Variants in TMEM95 observed in about 807,000 individuals in gnomAD.
TMEM95 encodes the protein transmembrane protein 95.
TMEM95 carries 21 observed loss-of-function variants against 27.7 expected under a neutral mutation model. The observed-to-expected ratio is 0.76, with a 90% confidence interval of 0.54 to 1.09. TMEM95 has a LOEUF of 1.09. Among genes scored for constraint, TMEM95 ranks in the 50% least tolerant of loss-of-function variants. The pLI, the probability that TMEM95 is intolerant of heterozygous loss-of-function variation, is 0.00. For synonymous variants in TMEM95, 77 were observed against 85.7 expected (o/e 0.90, Z 0.56); for missense variants, 203 against 217.9 (o/e 0.93, Z 0.43).
At chr17:7,356,575 C>A (rs376260605) in intron 6 of TMEM95, 24 bp from the exon 7 acceptor site, 14 of 1,610,846 alleles carry the variant, frequency 8.7e-6, no homozygotes, top group Non-Finnish European at 1.1e-5. Context: ...CTCCCGTAGG[C>A]TTCCCACCCT....
chr17:7,356,484 GT>G lies in TMEM95; in HGVS notation c.497+9del, dbSNP rs2073507244. ...TGTTCTGAGCCTCCTGGTGGAGTGA[GT>G]TTTGGGATAAAGACAGGAATCCTAC... On this transcript the variant is annotated splice_donor_region_variant and intron_variant, in intron 6 of 6. Coordinates refer to ENST00000576060, the MANE Select transcript of TMEM95 (RefSeq NM_001320436.2). 8 of 1,613,822 alleles carry G rather than the reference GT, an allele frequency of 5.0e-6. No homozygotes were observed. The highest frequency in any genetic ancestry group is 6.8e-6 in the Non-Finnish European group (8 of 1,179,922).
chr17:7,356,299 C>A, intron 5 of TMEM95, 23 bp downstream of exon 5: 1 of 1,592,710 alleles, frequency 6.3e-7, no homozygotes. Context: ...ATCTTGGCCC[C>A]GCCCCACCTT....
Position 7,356,982 on chromosome 17 carries a change from C to A in TMEM95, c.*350C>A, listed in dbSNP as rs888864866. Reference sequence around the variant, plus strand: ...CTACGCCACTCCCACCACACCCACACCCCCTTCTGCCTGTTCCGGGAAAGC... The same window carrying A: ...CTACGCCACTCCCACCACACCCACAACCCCTTCTGCCTGTTCCGGGAAAGC... On this transcript the variant is annotated 3_prime_UTR_variant, in exon 7 of 7. Transcript: ENST00000576060. 7 of 361,918 alleles carry A rather than the reference C, an allele frequency of 1.9e-5. No homozygotes were observed. The highest frequency in any genetic ancestry group is 2.5e-5 in the Non-Finnish European group (5 of 200,694). The allele number at this position is 361,918 out of a possible 1,614,324, so 22.4% of individuals were successfully genotyped here. A position where few individuals can be genotyped will look rare whatever the true frequency, so the allele number is the denominator to read the frequency against.
chr17:7,355,721 G>GT lies in TMEM95; in HGVS notation c.226+79_226+80insT. The GT allele has an allele frequency of 8.8e-7, 1 of 1,133,842 alleles. No individual in the cohort carries two copies. Among genetic ancestry groups the GT allele is most frequent in the Non-Finnish European group, 1.3e-6 (1 of 759,402 alleles). The allele number at this position is 1,133,842 out of a possible 1,614,324, so 70.2% of individuals were successfully genotyped here. A position where few individuals can be genotyped will look rare whatever the true frequency, so the allele number is the denominator to read the frequency against. On this transcript the variant is annotated intron_variant, in intron 2 of 6. Transcript: ENST00000576060. The surrounding 1 kb of genome is among the most constrained non-coding windows in gnomAD (Gnocchi z 4.9). Reference sequence around the variant, plus strand: ...GGACGGGTGACAGGGGTTGGGGTGGGCAGGGAAGGGTGGAGGGGTAGAGAC... The same window carrying GT: ...GGACGGGTGACAGGGGTTGGGGTGGGTCAGGGAAGGGTGGAGGGGTAGAGAC...
In TMEM95 at chr17:7,356,912, G is replaced by A. The variant is rs2073521218; in HGVS notation, c.*280G>A. The stretch of plus-strand genomic sequence containing the variant: ...CCTCCAGCCCTCAACCAATCACATG[G>A]CTGTCAACAATGCCAGGAAAATATC... On this transcript the variant is annotated 3_prime_UTR_variant, in exon 7 of 7. Transcript: ENST00000576060. 1 of 471,458 alleles carries A rather than the reference G, an allele frequency of 2.1e-6. No individual in the cohort carries two copies. Among genetic ancestry groups the A allele is most frequent in the Non-Finnish European group, 3.8e-6 (1 of 266,496 alleles). The allele number at this position is 471,458 out of a possible 1,614,324, so 29.2% of individuals were successfully genotyped here.
intron 5 of TMEM95, 24 bp downstream of exon 5, chr17:7,356,300 G>A (rs369702259): frequency 5.0e-6 from 8 of 1,592,300 alleles, no homozygotes; most frequent in Admixed American, 1.7e-5. Flanking sequence ...TCTTGGCCCC[G>A]CCCCACCTTG....
In TMEM95 at chr17:7,355,566, G is replaced by T; in HGVS notation, c.170-20G>T. The T allele has an allele frequency of 1.3e-6, 2 of 1,553,664 alleles. No individual in the cohort carries two copies. Among genetic ancestry groups the T allele is most frequent in the Non-Finnish European group, 1.7e-6 (2 of 1,147,910 alleles). The stretch of plus-strand genomic sequence containing the variant: ...ACCTGGGCTGATGAGGGAATCGCTG[G>T]TCCTTGCCCATCTCCACAGATGAGG... On this transcript the variant is annotated intron_variant, in intron 1 of 6. Transcript: ENST00000576060. The surrounding 1 kb of genome is among the most constrained non-coding windows in gnomAD (Gnocchi z 4.9).
Position 7,355,409 on chromosome 17 carries a change from A to G in TMEM95, c.169+36A>G. 1 of 1,592,112 alleles carries G rather than the reference A, an allele frequency of 6.3e-7. No individual in the cohort carries two copies. The highest frequency in any genetic ancestry group is 8.6e-7 in the Non-Finnish European group (1 of 1,166,570). ...ACATCCAGGGATGGGCCCAGCAAGC[A>G]CTCACCCCCCTACCCCCAGAGGGTG... On this transcript the variant is annotated intron_variant, in intron 1 of 6. Transcript: ENST00000576060. The surrounding 1 kb of genome is among the most constrained non-coding windows in gnomAD (Gnocchi z 4.9).
chr17:7,357,084 C>T lies in TMEM95; in HGVS notation c.*452C>T. On this transcript the variant is annotated 3_prime_UTR_variant, in exon 7 of 7. Coordinates refer to ENST00000576060, the MANE Select transcript of TMEM95 (RefSeq NM_001320436.2). Reference sequence around the variant, plus strand: ...ATCCGGGAATGCATGTTCTGGAAAACTCACCCCACTAGAGTGAGATCACAT... The same window carrying T: ...ATCCGGGAATGCATGTTCTGGAAAATTCACCCCACTAGAGTGAGATCACAT... 5.4e-6 allele frequency: 1 copy of T among 183,884 alleles called. No homozygotes were observed. Among genetic ancestry groups the T allele is most frequent in the African/African-American group, 2.4e-5 (1 of 42,550 alleles). 11.4% of individuals were successfully genotyped at this position (183,884 alleles called of 1,614,324 possible).
Position 7,355,255 on chromosome 17 carries a change from T to C in TMEM95, c.51T>C (p.Cys17=). 2 of 1,613,914 alleles carry C rather than the reference T, an allele frequency of 1.2e-6. No homozygotes were observed. Among genetic ancestry groups the C allele is most frequent in the Non-Finnish European group, 1.7e-6 (2 of 1,179,918 alleles). ...GGVFLAAAQA[C]VFCRLPAHDL... ...TTTTCCTGGCAGCCGCCCAGGCTTG[T>C]GTCTTCTGTCGCCTCCCAGCCCACG... The change falls in exon 1 of 7, where the codon TGT becomes TGC. Residue 17 remains cysteine, a synonymous_variant. Transcript: ENST00000576060. The surrounding 1 kb of genome is among the most constrained non-coding windows in gnomAD (Gnocchi z 4.9).
In TMEM95 at chr17:7,355,772, C is replaced by T. The variant is rs1326891473; in HGVS notation, c.227-66C>T. The T allele has an allele frequency of 2.1e-5, 33 of 1,568,176 alleles. No individual in the cohort carries two copies. The highest frequency in any genetic ancestry group is 3.3e-5 in the South Asian group (3 of 89,938). On this transcript the variant is annotated intron_variant, in intron 2 of 6. Coordinates refer to ENST00000576060, the MANE Select transcript of TMEM95 (RefSeq NM_001320436.2). This position sits in a 1 kb window ranked among gnomAD's most constrained non-coding sequence, Gnocchi z 4.9. ...AGGAGGGCTGATCAGGGAGGGGCTG[C>T]GTGAAGAGAGGGGGAACTGGCCCCG... is the stretch of plus-strand genomic sequence containing the variant.
At position 7,355,598 on chromosome 17, in the gene TMEM95, T is replaced by C. The variant is rs1489800818; in HGVS notation, c.182T>C (p.Met61Thr). The change falls in exon 2 of 7, where the codon ATG becomes ACG. Residue 61 changes from methionine (M) to threonine (T), a missense_variant. By Grantham distance (81) the Met-to-Thr change is moderately conservative. Coordinates refer to ENST00000576060, the MANE Select transcript of TMEM95 (RefSeq NM_001320436.2). The surrounding 1 kb of genome is among the most constrained non-coding windows in gnomAD (Gnocchi z 4.9). The part of the protein sequence containing the change: ...FSAFALDEVS[M>T]NKVTEKTHRV... ...CCCATCTCCACAGATGAGGTGTCCA[T>C]GAACAAAGTCACAGAGAAGACTCAC... 1.9e-6 allele frequency: 3 copies of C among 1,556,014 alleles called. No homozygotes were observed. Among genetic ancestry groups the C allele is most frequent in the African/African-American group, 1.4e-5 (1 of 73,208 alleles).
chr17:7,356,822 C>G lies in TMEM95; in HGVS notation c.*190C>G. 1 of 646,594 alleles carries G rather than the reference C, an allele frequency of 1.5e-6. No homozygotes were observed. 40.1% of individuals were successfully genotyped at this position (646,594 alleles called of 1,614,324 possible). On this transcript the variant is annotated 3_prime_UTR_variant, in exon 7 of 7. Coordinates refer to ENST00000576060, the MANE Select transcript of TMEM95 (RefSeq NM_001320436.2). ...AAGAAAATCCCCAAAAACCCAGATC[C>G]CCCACAATCCCAGTGTCAGATGGCC... is the stretch of plus-strand genomic sequence containing the variant.
chr17:7,355,672 G>A lies in TMEM95; in HGVS notation c.226+30G>A, dbSNP rs1377995977. 2 of 1,560,736 alleles carry A rather than the reference G, an allele frequency of 1.3e-6. No individual in the cohort carries two copies. The highest frequency in any genetic ancestry group is 1.9e-5 in the Admixed American group (1 of 53,214). The stretch of plus-strand genomic sequence containing the variant: ...GGTCAAGGGGAAAGAGTGACCTAGG[G>A]GCTTGGGAGGATACCAAGGAGAGGG... On this transcript the variant is annotated intron_variant, in intron 2 of 6. Coordinates refer to ENST00000576060, the MANE Select transcript of TMEM95 (RefSeq NM_001320436.2). The surrounding 1 kb of genome is among the most constrained non-coding windows in gnomAD (Gnocchi z 4.9).
intron 4 of TMEM95, 70 bp from the exon 5 acceptor site, chr17:7,356,126 G>A (rs1158325065): frequency 6.2e-7 from 1 of 1,608,784 alleles, no homozygotes; most frequent in East Asian, 2.2e-5. Flanking sequence ...GCTGCAGGAG[G>A]AAGCTGGGTA....
rs755132615 is a variant in TMEM95 at position 7,356,703 on chromosome 17, G to A, written c.*71G>A. On this transcript the variant is annotated 3_prime_UTR_variant, in exon 7 of 7. Coordinates refer to ENST00000576060, the MANE Select transcript of TMEM95 (RefSeq NM_001320436.2). ...CACAACTTCCACATCCCTTGGAGGGGAACCAGTCAGCCCCTTAGTCCCAGC... is the reference window on the plus strand; with the variant it reads ...CACAACTTCCACATCCCTTGGAGGGAAACCAGTCAGCCCCTTAGTCCCAGC... The A allele has an allele frequency of 1.8e-4, 272 of 1,542,188 alleles. No homozygotes were observed. Among genetic ancestry groups the A allele is most frequent in the Non-Finnish European group, 2.2e-4 (249 of 1,121,084 alleles).
rs915099417 is a variant in TMEM95, at chr17:7,356,231, A to T, written c.364A>T (p.Lys122Ter). Residue 122 changes from lysine to a stop codon, truncating the protein, a stop_gained, in exon 5 of 7, where the codon AAG becomes TAG. Coordinates refer to ENST00000576060, the MANE Select transcript of TMEM95 (RefSeq NM_001320436.2). LOFTEE classifies it high-confidence loss of function. The part of the protein sequence containing the change: ...STTLYNCSTC[K>*]GTEVSCWPRK... ...CACGCTGTACAACTGCTCCACCTGCAAGGGGACGGAGGTGTCCTGCTGGCC... is the reference window on the plus strand; with the variant it reads ...CACGCTGTACAACTGCTCCACCTGCTAGGGGACGGAGGTGTCCTGCTGGCC... 8.9e-6 allele frequency: 14 copies of T among 1,565,260 alleles called. No homozygotes were observed. The highest frequency in any genetic ancestry group is 1.2e-5 in the Non-Finnish European group (14 of 1,156,560).
In TMEM95 at chr17:7,356,874, G is replaced by A; in HGVS notation, c.*242G>A. 2 of 530,296 alleles carry A rather than the reference G, an allele frequency of 3.8e-6. No individual in the cohort carries two copies. The highest frequency in any genetic ancestry group is 3.4e-6 in the Non-Finnish European group (1 of 297,454). The allele number at this position is 530,296 out of a possible 1,614,324, so 32.8% of individuals were successfully genotyped here. A position where few individuals can be genotyped will look rare whatever the true frequency, so the allele number is the denominator to read the frequency against. ...CCCGGGAACCCAGGCACCCACAGCT[G>A]GAAAGTTCCTCCCCTCCAGCCCTCA... On this transcript the variant is annotated 3_prime_UTR_variant, in exon 7 of 7. Transcript: ENST00000576060.
rs1376001831 is a variant in TMEM95 at position 7,355,972 on chromosome 17, G to A, written c.307+54G>A. The A allele has an allele frequency of 6.2e-7, 1 of 1,613,610 alleles. No homozygotes were observed. The highest frequency in any genetic ancestry group is 2.2e-5 in the East Asian group (1 of 44,878). On this transcript the variant is annotated intron_variant, in intron 3 of 6. Transcript: ENST00000576060. The surrounding 1 kb of genome is among the most constrained non-coding windows in gnomAD (Gnocchi z 4.9). Reference sequence around the variant, plus strand: ...AGCCTAGGGTCTTAACCAAAGGAATGTGTGGTGAGCAGCTCATCCATTCAC... The same window carrying A: ...AGCCTAGGGTCTTAACCAAAGGAATATGTGGTGAGCAGCTCATCCATTCAC...
Sources: allele counts gnomAD v4.1 joint callset, GRCh38; gene constraint gnomAD v4.1.1; non-coding constraint Gnocchi (gnomAD v3.1); transcripts MANE v1.5; gene names NCBI Gene and HGNC (gene_info 2026-07-23, HGNC 2026-07-21).